The following GAPVD1 variants were observed in gnomAD, a reference collection of about 807,000 sequenced individuals.
GAPVD1 encodes the protein GTPase-activating protein and VPS9 domain-containing protein 1.
A neutral mutation model predicts 155.5 loss-of-function variants in GAPVD1; 35 were observed. The ratio of observed to expected loss-of-function variants is 0.23; its 90% confidence interval spans 0.17 to 0.30. The LOEUF (loss-of-function observed/expected upper bound fraction) is 0.30, where lower values mean the gene tolerates loss of function less well. Among genes scored for constraint, GAPVD1 ranks in the 10% least tolerant of loss-of-function variants. The pLI is 1.00. For synonymous variants in GAPVD1, 636 were observed against 619.7 expected, an observed-to-expected ratio of 1.03 and a Z score of -0.39; for missense variants, 1,429 against 1,775.7, an observed-to-expected ratio of 0.80 and a Z score of 3.51.
chr9:125,282,672 C>A (rs901514134), intron 2 of GAPVD1, among the ~76,000 whole-genome samples: 2 of 152,066 alleles, frequency 1.3e-5, no homozygotes, highest in Admixed American at 1.3e-4. Flanking sequence ...ATAATGATAT[C>A]CTACACTCTG....
chr9:125,366,824 TC>T lies in GAPVD1; in HGVS notation c.*4080del, dbSNP rs1325217708. 1.3e-5 allele frequency: 2 copies of T among 152,226 alleles called. No homozygotes were observed. Among genetic ancestry groups the T allele is most frequent in the African/African-American group, 4.8e-5 (2 of 41,458 alleles). The allele number at this position is 152,226 out of a possible 1,614,324, so 9.4% of individuals were successfully genotyped here. A position where few individuals can be genotyped will look rare whatever the true frequency, so the allele number is the denominator to read the frequency against. Reference sequence around the variant, plus strand: ...TGGATAAATGAAAATATAGTTTGCTTCCGTGTTAAGTTGTGGTTGAGCTATG... The same window carrying T: ...TGGATAAATGAAAATATAGTTTGCTTCGTGTTAAGTTGTGGTTGAGCTATG... On this transcript the variant is annotated 3_prime_UTR_variant, in exon 28 of 28. Transcript: ENST00000297933.
chr9:125,331,479 G>T (rs112821716), intron 13 of GAPVD1, among the ~76,000 whole-genome samples: 31 of 152,324 alleles, frequency 2.0e-4, no homozygotes, highest in African/African-American at 6.7e-4. Flanking sequence ...GGGATTACAG[G>T]TGTGAGCTAC....
chr9:125,302,896 G>A (rs1841123421), intron 5 of GAPVD1, 70 bp downstream of exon 5: 4 of 1,511,154 alleles, frequency 2.6e-6, no homozygotes, highest in Middle Eastern at 2.1e-4. Context: ...GTGGGGGTGG[G>A]AACAAATAAT....
chr9:125,316,039 C>T (rs1289749127), intron 9 of GAPVD1, among the ~76,000 whole-genome samples: 1 of 152,070 alleles, frequency 6.6e-6, no homozygotes, highest in African/African-American at 2.4e-5. Context: ...CACGTGCTCA[C>T]CACTAAGCTA....
chr9:125,334,729 G>A (rs746681015), intron 15 of GAPVD1, among the ~76,000 whole-genome samples: 1 of 151,530 alleles, frequency 6.6e-6, no homozygotes, highest in Non-Finnish European at 1.5e-5. Context: ...GTGAGACCTC[G>A]TCTCTACAAA....
rs189808097 is a variant in GAPVD1 at position 125,366,207 on chromosome 9, C to G, written c.*3461C>G. The G allele has an allele frequency of 6.6e-6, 1 of 152,140 alleles. No homozygotes were observed. The highest frequency in any genetic ancestry group is 1.5e-5 in the Non-Finnish European group (1 of 68,044). The allele number at this position is 152,140 out of a possible 1,614,324, so 9.4% of individuals were successfully genotyped here. A position where few individuals can be genotyped will look rare whatever the true frequency, so the allele number is the denominator to read the frequency against. On this transcript the variant is annotated 3_prime_UTR_variant, in exon 28 of 28. Transcript: ENST00000297933. ...GCTTTACAAATGTGTCCCTGAGGTGCGTGAGCAAGAGAACAATCTCAGCCC... is the reference window on the plus strand; with the variant it reads ...GCTTTACAAATGTGTCCCTGAGGTGGGTGAGCAAGAGAACAATCTCAGCCC...
chr9:125,337,498 A>T lies in GAPVD1; in HGVS notation c.2784A>T (p.Glu928Asp), dbSNP rs746733196. ...WNRRPGNEER[E>D]LPPAAAIGAT... is the part of the protein sequence containing the mutation. ...GGCGTCCAGGAAATGAAGAGCGAGAACTCCCTCCAGCTGCAGCCATTGGTG... is the reference window on the plus strand; with the variant it reads ...GGCGTCCAGGAAATGAAGAGCGAGATCTCCCTCCAGCTGCAGCCATTGGTG... The change falls in exon 17 of 28, where the codon GAA becomes GAT. Residue 928 changes from glutamate to aspartate, a missense_variant. Glu to Asp is a conservative substitution (Grantham distance 45, BLOSUM62 2). Transcript: ENST00000297933. 1.9e-6 allele frequency: 3 copies of T among 1,614,054 alleles called. No individual in the cohort carries two copies. The highest frequency in any genetic ancestry group is 2.2e-5 in the South Asian group (2 of 91,078).
chr9:125,303,981 C>G (rs1271471085), intron 5 of GAPVD1: 5 of 152,164 alleles, frequency 3.3e-5, no homozygotes, highest in Admixed American at 2.6e-4. Context: ...TGCTAATCTT[C>G]TCTGTAGAGT....
intron 8 of GAPVD1, among the ~76,000 whole-genome samples, chr9:125,311,570 G>A (rs1453115583): frequency 6.6e-6 from 1 of 152,178 alleles, no homozygotes; most frequent in Non-Finnish European, 1.5e-5. Context: ...GCAATGAGCC[G>A]AGACTGCGCC....
At chr9:125,294,169 G>C (rs1203480527) in intron 2 of GAPVD1, among the ~76,000 whole-genome samples, 3 of 151,570 alleles carry the variant, frequency 2.0e-5, no homozygotes, top group Non-Finnish European at 4.4e-5. Flanking sequence ...GCCTCTGAAA[G>C]TGCTGGGATT....
chr9:125,359,331 T>C lies in GAPVD1; in HGVS notation c.3972-89T>C, dbSNP rs1178341861. 2.0e-5 allele frequency: 16 copies of C among 782,324 alleles called. No individual in the cohort carries two copies. The Admixed American group carries it at 2.4e-4, about 12-fold the overall frequency. 48.5% of individuals were successfully genotyped at this position (782,324 alleles called of 1,614,324 possible). A position where few individuals can be genotyped will look rare whatever the true frequency, so the allele number is the denominator to read the frequency against. On this transcript the variant is annotated intron_variant, in intron 25 of 27. Transcript: ENST00000297933. ...GTAATCCATATCTAGTCAACATGTT[T>C]CACGTGTTTTGTAAAAATCAATGAT... is the stretch of plus-strand genomic sequence containing the variant.
chr9:125,355,140 C>T (rs925427352), intron 24 of GAPVD1, among the ~76,000 whole-genome samples: 10 of 152,094 alleles, frequency 6.6e-5, no homozygotes, highest in South Asian at 2.1e-4. Flanking sequence ...ACTTTTGAGA[C>T]GGAGTCTTGC....
chr9:125,262,516 A>G (rs2131530139), intron 1 of GAPVD1, among the ~76,000 whole-genome samples: 1 of 152,190 alleles, frequency 6.6e-6, no homozygotes, highest in Non-Finnish European at 1.5e-5. Context: ...TTCACCTTTT[A>G]TTGACTGGCA....
At chr9:125,307,003 C>T (rs1315378485) in intron 6 of GAPVD1, among the ~76,000 whole-genome samples, 1 of 152,022 alleles carries the variant, frequency 6.6e-6, no homozygotes, top group African/African-American at 2.4e-5. Flanking sequence ...GGGTGGCTCA[C>T]ATTTGTATTT....
chr9:125,278,600 C>T (rs1427869981), intron 2 of GAPVD1, among the ~76,000 whole-genome samples: 5 of 151,776 alleles, frequency 3.3e-5, no homozygotes, highest in African/African-American at 1.2e-4. Context: ...TTTGGGAGGC[C>T]GAGGCAGAAA....
Position 125,340,590 on chromosome 9 carries a change from G to A in GAPVD1, c.2878-587G>A, listed in dbSNP as rs543974812. Among the ~76,000 whole-genome samples the A allele has an allele frequency of 5.9e-5, 9 of 152,176 alleles. No homozygotes were observed. The South Asian group carries it at 1.9e-3, about 32-fold the overall frequency. ...GCATTTGGCACATAGTACACATTTGGTTTTATTATTATTAATACTACTGCT... is the reference window on the plus strand; with the variant it reads ...GCATTTGGCACATAGTACACATTTGATTTTATTATTATTAATACTACTGCT... On this transcript the variant is annotated intron_variant, in intron 17 of 27. Transcript: ENST00000297933.
rs567275763 is a variant in GAPVD1, at chr9:125,365,975, C to T, written c.*3229C>T. On this transcript the variant is annotated 3_prime_UTR_variant, in exon 28 of 28. Transcript: ENST00000297933. Reference sequence around the variant, plus strand: ...TGTATATATATTTAAACGTGTCAAACATTTTGCTTTCTTTCTCCATTTTAG... The same window carrying T: ...TGTATATATATTTAAACGTGTCAAATATTTTGCTTTCTTTCTCCATTTTAG... 20 of 152,342 alleles carry T rather than the reference C, an allele frequency of 1.3e-4. No homozygotes were observed. The East Asian group carries it at 3.7e-3, about 28-fold the overall frequency. The allele number at this position is 152,342 out of a possible 1,614,324, so 9.4% of individuals were successfully genotyped here.
intron 7 of GAPVD1, 42 bp from the exon 8 acceptor site, chr9:125,307,649 G>A: frequency 6.3e-7 from 1 of 1,581,878 alleles, no homozygotes. Flanking sequence ...TATTGTATTT[G>A]AAAAAGTGAT....
chr9:125,308,273 G>C (rs1842154753), intron 8 of GAPVD1: 1 of 220,340 alleles, frequency 4.5e-6, no homozygotes, highest in South Asian at 9.9e-5. Context: ...TTGAGCCTGG[G>C]AGGTCGAGGC....
Sources: allele counts gnomAD v4.1 joint callset (sites outside exome capture counted in the v4.1 genomes callset), GRCh38; gene constraint gnomAD v4.1.1; transcripts MANE v1.5; gene names NCBI Gene and HGNC (gene_info 2026-07-23, HGNC 2026-07-21).